The following MNAT1 variants were observed in gnomAD, a reference collection of about 807,000 sequenced individuals.
MNAT1 encodes CDK-activating kinase assembly factor MAT1.
In MNAT1, 43 loss-of-function variants were observed where a neutral mutation model predicts 42.0. That is an observed-to-expected ratio of 1.02 (90% CI 0.80 to 1.32). The LOEUF is 1.32. Among genes scored for constraint, MNAT1 ranks in the 40% most tolerant of loss-of-function variants. The probability of loss-of-function intolerance (pLI) is 0.00; values close to 1 mark genes in which losing one functional copy is unlikely to be tolerated. For missense variants in MNAT1, 306 were observed against 350.4 expected (o/e 0.87, Z 1.01); for synonymous variants, 118 against 120.0 (o/e 0.98, Z 0.11).
intron 7 of MNAT1, among the ~76,000 whole-genome samples, chr14:60,935,484 C>G (rs1215348918): frequency 6.6e-6 from 1 of 152,166 alleles, no homozygotes; most frequent in Non-Finnish European, 1.5e-5. Context: ...GTTGAAGGAA[C>G]TAGAAATTAC....
chr14:60,959,964 C>T (rs1434903413), intron 7 of MNAT1, among the ~76,000 whole-genome samples: 1 of 127,638 alleles, frequency 7.8e-6, no homozygotes. Flanking sequence ...GAGAGTCAGT[C>T]GTATTGATGC....
chr14:60,926,242 G>A (rs1452963048), intron 7 of MNAT1, among the ~76,000 whole-genome samples: 1 of 152,196 alleles, frequency 6.6e-6, no homozygotes, highest in African/African-American at 2.4e-5. Flanking sequence ...GACGACAGGT[G>A]TTGTGGGGTT....
chr14:60,931,969 TAA>T (rs914343574), intron 7 of MNAT1, among the ~76,000 whole-genome samples: 2 of 152,050 alleles, frequency 1.3e-5, no homozygotes, highest in African/African-American at 2.4e-5. Flanking sequence ...TCCATTGAAT[TAA>T]GTTTGTGTGT....
chr14:60,768,017 G>A (rs754784176), intron 1 of MNAT1, among the ~76,000 whole-genome samples: 7 of 152,082 alleles, frequency 4.6e-5, no homozygotes, highest in Non-Finnish European at 8.8e-5. Flanking sequence ...GCCTGCCTCG[G>A]CCTCCCAAAG....
chr14:60,890,526 G>T (rs2034815121), intron 7 of MNAT1, among the ~76,000 whole-genome samples: 1 of 152,144 alleles, frequency 6.6e-6, no homozygotes, highest in South Asian at 2.1e-4. Flanking sequence ...TACACCATCT[G>T]CAAGCTAAGG....
intron 7 of MNAT1, among the ~76,000 whole-genome samples, chr14:60,891,322 CTA>C (rs1399355924): frequency 2.6e-5 from 4 of 151,824 alleles, no homozygotes; most frequent in Non-Finnish European, 5.9e-5. Flanking sequence ...TTTCTATTCT[CTA>C]TTTTGTTTAT....
chr14:60,829,899 T>A (rs2033166424), intron 6 of MNAT1, among the ~76,000 whole-genome samples: 1 of 152,240 alleles, frequency 6.6e-6, no homozygotes, highest in African/African-American at 2.4e-5. Context: ...TGAGTGCCAA[T>A]CTGCCTATCA....
intron 7 of MNAT1, among the ~76,000 whole-genome samples, chr14:60,888,312 A>ATG: frequency 1.3e-5 from 2 of 152,026 alleles, no homozygotes; most frequent in Admixed American, 6.6e-5. Flanking sequence ...ATCAATAATC[A>ATG]TAATCCAGCA....
At chr14:60,799,819 A>G (rs1231859945) in intron 3 of MNAT1, among the ~76,000 whole-genome samples, 1 of 152,132 alleles carries the variant, frequency 6.6e-6, no homozygotes, top group Non-Finnish European at 1.5e-5. Flanking sequence ...ACTAGAATTG[A>G]TAGGCAAGAG....
At chr14:60,766,333 C>T (rs1199479603) in intron 1 of MNAT1, among the ~76,000 whole-genome samples, 4 of 141,090 alleles carry the variant, frequency 2.8e-5, no homozygotes, top group Admixed American at 1.4e-4. Flanking sequence ...GGTGACAGAG[C>T]GAGACTCTGT....
intron 1 of MNAT1, among the ~76,000 whole-genome samples, chr14:60,778,334 T>C (rs1243634287): frequency 1.3e-5 from 2 of 152,142 alleles, no homozygotes; most frequent in African/African-American, 4.8e-5. Context: ...GGTTCCTAGT[T>C]TTGTAATTGG....
At chr14:60,780,034 C>T (rs2031399662) in intron 1 of MNAT1, 2 of 1,536,186 alleles carry the variant, frequency 1.3e-6, no homozygotes, top group East Asian at 4.5e-5. Flanking sequence ...GTGCCGAAAT[C>T]GTGGACGAGT....
At chr14:60,853,193 C>T (rs1454967685) in intron 6 of MNAT1, among the ~76,000 whole-genome samples, 2 of 152,054 alleles carry the variant, frequency 1.3e-5, no homozygotes, top group African/African-American at 2.4e-5. Flanking sequence ...AATTTCTTTC[C>T]ATTTGTTTGT....
At chr14:60,761,209 G>A (rs552769302) in intron 1 of MNAT1, among the ~76,000 whole-genome samples, 35 of 152,266 alleles carry the variant, frequency 2.3e-4, no homozygotes, top group African/African-American at 7.7e-4. Context: ...GTTAAGTTAG[G>A]GTTGGAAGGG....
chr14:60,858,247 A>G (rs2034009559), intron 6 of MNAT1, among the ~76,000 whole-genome samples: 1 of 152,080 alleles, frequency 6.6e-6, no homozygotes, highest in Non-Finnish European at 1.5e-5. Context: ...TTGTTTCCTG[A>G]CTTTTTAATG....
intron 6 of MNAT1, among the ~76,000 whole-genome samples, chr14:60,856,593 G>A (rs1360751571): frequency 6.6e-6 from 1 of 152,070 alleles, no homozygotes; most frequent in African/African-American, 2.4e-5. Context: ...GTCAATGCCC[G>A]GTTTCAAAGT....
intron 6 of MNAT1, among the ~76,000 whole-genome samples, chr14:60,864,012 T>C (rs926330006): frequency 1.4e-4 from 22 of 152,044 alleles, no homozygotes; most frequent in African/African-American, 1.4e-4. Flanking sequence ...CAATTTTATA[T>C]TGTTTGAAGA....
chr14:60,786,496 C>G, intron 1 of MNAT1, among the ~76,000 whole-genome samples: 1 of 152,166 alleles, frequency 6.6e-6, no homozygotes, highest in East Asian at 1.9e-4. Flanking sequence ...TGATGACCCT[C>G]AAGACCTCTT....
chr14:60,959,062 G>GCA (rs1479032170), intron 7 of MNAT1, among the ~76,000 whole-genome samples: 3 of 152,198 alleles, frequency 2.0e-5, no homozygotes, highest in African/African-American at 7.2e-5. Flanking sequence ...AGGACTACAG[G>GCA]CACACGTCAC....
Sources: allele counts gnomAD v4.1 joint callset (sites outside exome capture counted in the v4.1 genomes callset), GRCh38; gene constraint gnomAD v4.1.1; transcripts MANE v1.5; gene names NCBI Gene and HGNC (gene_info 2026-07-23, HGNC 2026-07-21).